Variants in SGK2 observed in about 807,000 individuals in gnomAD.
SGK2 encodes serum/glucocorticoid regulated kinase 2, also known as serine/threonine-protein kinase Sgk2.
SGK2 carries 36 observed loss-of-function variants against 47.5 expected under a neutral mutation model. The ratio of observed to expected loss-of-function variants is 0.76; its 90% confidence interval spans 0.58 to 1.00. The LOEUF (loss-of-function observed/expected upper bound fraction) is 1.00. Among genes scored for constraint, SGK2 ranks in the 50% least tolerant of loss-of-function variants. The pLI, the probability that SGK2 is intolerant of heterozygous loss-of-function variation, is 0.00. For synonymous variants in SGK2, 157 were observed against 181.9 expected, an observed-to-expected ratio of 0.86 and a Z score of 1.10; for missense variants, 404 against 467.4, an observed-to-expected ratio of 0.86 and a Z score of 1.25.
At position 43,572,368 on chromosome 20, in the gene SGK2, C is replaced by A. The variant is rs184459681; in HGVS notation, c.597+231C>A. On this transcript the variant is annotated intron_variant, in intron 9 of 12. Transcript: ENST00000373100. This position sits in a 1 kb window ranked among gnomAD's most constrained non-coding sequence, Gnocchi z 4.2. The stretch of plus-strand genomic sequence containing the variant: ...TGGTGAAGCTCTACTGCAGTGCTAT[C>A]CAGTAGAAATAGAAATAGAAACGCA... Among the ~76,000 whole-genome samples, 1 of 152,172 alleles carries A rather than the reference C, an allele frequency of 6.6e-6. No homozygotes were observed. Among genetic ancestry groups the A allele is most frequent in the Non-Finnish European group, 1.5e-5 (1 of 68,026 alleles).
chr20:43,561,221 A>G (rs1157706037), intron 1 of SGK2, among the ~76,000 whole-genome samples: 1 of 152,046 alleles, frequency 6.6e-6, no homozygotes, highest in East Asian at 1.9e-4. Flanking sequence ...GGGAAAACTA[A>G]GTGCAAGGGG....
intron 9 of SGK2, among the ~76,000 whole-genome samples, chr20:43,573,784 T>G (rs945357632): frequency 6.6e-6 from 1 of 152,204 alleles, no homozygotes; most frequent in Non-Finnish European, 1.5e-5. Context: ...TGTTTGGGTA[T>G]GGTGGGTGGT....
intron 11 of SGK2, among the ~76,000 whole-genome samples, chr20:43,577,498 C>T (rs1232454830): frequency 6.6e-6 from 1 of 151,750 alleles, no homozygotes; most frequent in Admixed American, 6.6e-5. Flanking sequence ...ACTACAGGCA[C>T]CCGCCACCAC....
chr20:43,579,011 CTTTTTT>C (rs10523244), intron 11 of SGK2, among the ~76,000 whole-genome samples: 7 of 143,816 alleles, frequency 4.9e-5, no homozygotes, highest in African/African-American at 1.8e-4. Context: ...CTTTCGGAGG[CTTTTTT>C]TTTTTTTTTT....
intron 1 of SGK2, 45 bp from the exon 2 acceptor site, chr20:43,566,428 C>A (rs1979721069): frequency 6.2e-7 from 1 of 1,614,064 alleles, no homozygotes; most frequent in East Asian, 2.2e-5. Context: ...GGAGCTGACC[C>A]CCCAACACCA....
intron 1 of SGK2, 121 bp from the exon 2 acceptor site, chr20:43,566,352 G>A: frequency 6.2e-7 from 1 of 1,613,706 alleles, no homozygotes; most frequent in Non-Finnish European, 8.5e-7. Context: ...GAAACCCTCA[G>A]GCGGTGGCAG....
chr20:43,576,126 T>C, intron 10 of SGK2, 98 bp from the exon 11 acceptor site: 2 of 1,417,442 alleles, frequency 1.4e-6, no homozygotes, highest in Non-Finnish European at 2.0e-6. Context: ...ACAGGGGTCA[T>C]ACTGAATCCT....
chr20:43,566,750 C>G (rs1299952360), intron 2 of SGK2, among the ~76,000 whole-genome samples: 1 of 152,036 alleles, frequency 6.6e-6, no homozygotes, highest in East Asian at 1.9e-4. Context: ...GGGTCGTATC[C>G]CAACCTGGTT....
rs1980050312 is a variant in SGK2 at position 43,570,721 on chromosome 20, C to T, written c.465C>T (p.Ile155=). 5 of 1,609,626 alleles carry T rather than the reference C, an allele frequency of 3.1e-6. No individual in the cohort carries two copies. Among genetic ancestry groups the T allele is most frequent in the Non-Finnish European group, 4.3e-6 (5 of 1,176,094 alleles). The change falls in exon 7 of 13, where the codon ATC becomes ATT. Residue 155 remains isoleucine, a synonymous_variant. Coordinates refer to ENST00000373100, the MANE Select transcript of SGK2 (RefSeq NM_170693.3). ...SAIGYLHSLN[I]IYRDLKPENI... ...TTGGCTACCTGCACTCCCTCAACATCATTTACAGGTGAGGCCTGCCTGTGG... is the reference window on the plus strand; with the variant it reads ...TTGGCTACCTGCACTCCCTCAACATTATTTACAGGTGAGGCCTGCCTGTGG...
In SGK2 at chr20:43,569,476, A is replaced by C. The variant is rs1240899725; in HGVS notation, c.320A>C (p.Glu107Ala). 1.9e-6 allele frequency: 3 copies of C among 1,613,490 alleles called. No individual in the cohort carries two copies. The highest frequency in any genetic ancestry group is 2.7e-5 in the African/African-American group (2 of 74,808). The change falls in exon 6 of 13, where the codon GAG (glutamate) becomes GCG (alanine). Residue 107 changes from glutamate (E) to alanine (A), a missense_variant. Coordinates refer to ENST00000373100, the MANE Select transcript of SGK2 (RefSeq NM_170693.3). ...VGLRYSFQTPEKLYFVLDYVN... is the reference protein window; with the variant it reads ...VGLRYSFQTPAKLYFVLDYVN... ...CTGCGCTACTCCTTCCAGACACCTG[A>C]GAAGCTCTACTTCGTGCTCGACTAT... is the stretch of plus-strand genomic sequence containing the variant.
chr20:43,578,606 T>G (rs1160219654), intron 11 of SGK2, among the ~76,000 whole-genome samples: 2 of 152,236 alleles, frequency 1.3e-5, no homozygotes, highest in Non-Finnish European at 2.9e-5. Flanking sequence ...GAGCCGCAGT[T>G]TCCCCATTGT....
At chr20:43,566,136 C>G (rs1031624909) in intron 1 of SGK2, 32 of 545,286 alleles carry the variant, frequency 5.9e-5, no homozygotes, top group Non-Finnish European at 6.9e-5. Flanking sequence ...TCCTTCCAGC[C>G]CTGGCCATCT....
In SGK2 at chr20:43,585,621, T is replaced by C. The variant is rs1981044041; in HGVS notation, c.*605T>C. Reference sequence around the variant, plus strand: ...CTCATAGGGTATCAATATCTCTTATTGTTCTATGTTGATGATATTTGTCTT... The same window carrying C: ...CTCATAGGGTATCAATATCTCTTATCGTTCTATGTTGATGATATTTGTCTT... On this transcript the variant is annotated 3_prime_UTR_variant, in exon 13 of 13. Coordinates refer to ENST00000373100, the MANE Select transcript of SGK2 (RefSeq NM_170693.3). 3 of 152,304 alleles carry C rather than the reference T, an allele frequency of 2.0e-5. No individual in the cohort carries two copies. The highest frequency in any genetic ancestry group is 2.0e-4 in the Admixed American group (3 of 15,284). The allele number at this position is 152,304 out of a possible 1,614,324, so 9.4% of individuals were successfully genotyped here.
intron 11 of SGK2, among the ~76,000 whole-genome samples, chr20:43,578,188 A>T (rs1568674847): frequency 6.6e-6 from 1 of 152,182 alleles, no homozygotes; most frequent in Non-Finnish European, 1.5e-5. Flanking sequence ...CATAGTGGTT[A>T]AGATGAATGG....
chr20:43,562,052 T>C (rs1979417869), intron 1 of SGK2, among the ~76,000 whole-genome samples: 1 of 152,034 alleles, frequency 6.6e-6, no homozygotes, highest in Admixed American at 6.6e-5. Context: ...GGCTGAAGAC[T>C]GAGGGAGGAG....
chr20:43,568,556 C>T (rs1034180730), intron 5 of SGK2, among the ~76,000 whole-genome samples: 3 of 152,122 alleles, frequency 2.0e-5, no homozygotes, highest in South Asian at 4.1e-4. Context: ...CATCTCAGCT[C>T]ACTGCAACCT....
In SGK2 at chr20:43,585,012, G is replaced by A. The variant is rs760355928; in HGVS notation, c.1100G>A (p.Cys367Tyr). 1 of 1,612,924 alleles carries A rather than the reference G, an allele frequency of 6.2e-7. No homozygotes were observed. Among genetic ancestry groups the A allele is most frequent in the Non-Finnish European group, 8.5e-7 (1 of 1,179,248 alleles). Residue 367 changes from cysteine to tyrosine, a missense_variant, in exon 13 of 13, where the codon TGC becomes TAC. Coordinates refer to ENST00000373100, the MANE Select transcript of SGK2 (RefSeq NM_170693.3). ...YAPEDDDILD[C>Y] Reference sequence around the variant, plus strand: ...CCAGAGGATGATGACATCTTGGATTGCTAGAAGAGAAGGACCTGTGAAACT... The same window carrying A: ...CCAGAGGATGATGACATCTTGGATTACTAGAAGAGAAGGACCTGTGAAACT...
At chr20:43,562,102 T>C (rs985151913) in intron 1 of SGK2, among the ~76,000 whole-genome samples, 85 of 151,920 alleles carry the variant, frequency 5.6e-4, no homozygotes, top group African/African-American at 2.1e-3. Context: ...GTCAAGACCT[T>C]TGTTTTGGAC....
intron 12 of SGK2, 28 bp downstream of exon 12, chr20:43,580,089 G>T: frequency 7.0e-7 from 1 of 1,421,862 alleles, no homozygotes; most frequent in Middle Eastern, 1.8e-4. Context: ...TCTAGACTCT[G>T]GATTTCCGGG....
Sources: allele counts gnomAD v4.1 joint callset (sites outside exome capture counted in the v4.1 genomes callset), GRCh38; gene constraint gnomAD v4.1.1; non-coding constraint Gnocchi (gnomAD v3.1); transcripts MANE v1.5; gene names NCBI Gene and HGNC (gene_info 2026-07-23, HGNC 2026-07-21).